Variants in SPPL3 observed in about 807,000 individuals in gnomAD.
SPPL3 encodes the protein signal peptide peptidase like 3.
Under a neutral mutation model 42.4 loss-of-function variants are expected in SPPL3, and 5 were observed. The observed-to-expected ratio is 0.12, with a 90% confidence interval of 0.06 to 0.25. The LOEUF (loss-of-function observed/expected upper bound fraction) is 0.25, where lower values mean the gene tolerates loss of function less well. Among genes scored for constraint, SPPL3 ranks in the 10% least tolerant of loss-of-function variants. The pLI is 1.00. For synonymous variants in SPPL3, 195 were observed against 181.8 expected (o/e 1.07, Z -0.58); for missense variants, 235 against 489.0 (o/e 0.48, Z 4.90).
intron 2 of SPPL3, among the ~76,000 whole-genome samples, chr12:120,799,115 G>A (rs1342316241): frequency 1.3e-5 from 2 of 152,166 alleles, no homozygotes; most frequent in African/African-American, 4.8e-5. Context: ...GCCCAGGTAA[G>A]TGGAAAAATC....
At chr12:120,826,333 A>G (rs949003520) in intron 1 of SPPL3, among the ~76,000 whole-genome samples, 1 of 150,778 alleles carries the variant, frequency 6.6e-6, no homozygotes, top group East Asian at 1.9e-4. Flanking sequence ...AAGAGTCAAA[A>G]TTTCCATGGG....
At chr12:120,823,230 C>T (rs1051967186) in intron 1 of SPPL3, among the ~76,000 whole-genome samples, 1 of 23,476 alleles carries the variant, frequency 4.3e-5, no homozygotes, top group Non-Finnish European at 9.1e-5. Context: ...GGTGGGGGGG[C>T]GGCGGCGGTG....
At chr12:120,830,856 T>C (rs1418483426) in intron 1 of SPPL3, among the ~76,000 whole-genome samples, 1 of 152,096 alleles carries the variant, frequency 6.6e-6, no homozygotes, top group Admixed American at 6.5e-5. Flanking sequence ...GATGGTTAAT[T>C]TTATGTATCA....
intron 3 of SPPL3, 125 bp downstream of exon 3, chr12:120,791,344 T>C (rs1359065565): frequency 3.3e-6 from 2 of 610,386 alleles, no homozygotes; most frequent in African/African-American, 1.9e-5. Flanking sequence ...ATTTTAAGTA[T>C]AATTCAATGT....
intron 2 of SPPL3, among the ~76,000 whole-genome samples, chr12:120,798,988 A>G (rs892062853): frequency 2.0e-5 from 3 of 152,184 alleles, no homozygotes; most frequent in Non-Finnish European, 4.4e-5. Flanking sequence ...ACTCAATTTC[A>G]ATTTGTTATT....
intron 1 of SPPL3, among the ~76,000 whole-genome samples, chr12:120,886,788 T>C (rs910606256): frequency 3.3e-5 from 5 of 152,090 alleles, no homozygotes; most frequent in Admixed American, 6.5e-5. Context: ...AGATCATACA[T>C]GTGAGCAAAA....
At chr12:120,835,166 C>T (rs1871568670) in intron 1 of SPPL3, among the ~76,000 whole-genome samples, 1 of 152,120 alleles carries the variant, frequency 6.6e-6, no homozygotes, top group Admixed American at 6.6e-5. Flanking sequence ...TAACAATATG[C>T]TCCACAGATC....
intron 1 of SPPL3, among the ~76,000 whole-genome samples, chr12:120,837,464 T>C (rs1395879341): frequency 7.2e-5 from 11 of 152,240 alleles, no homozygotes; most frequent in Non-Finnish European, 1.3e-4. Context: ...AAATACGTGA[T>C]ATTAAAATCT....
chr12:120,800,823 C>T (rs1158299590), intron 2 of SPPL3, among the ~76,000 whole-genome samples: 2 of 152,068 alleles, frequency 1.3e-5, no homozygotes, highest in Admixed American at 1.3e-4. Context: ...TGAGAACATC[C>T]AGGGGGTTAA....
At chr12:120,890,805 G>A (rs1391715800) in intron 1 of SPPL3, among the ~76,000 whole-genome samples, 3 of 152,056 alleles carry the variant, frequency 2.0e-5, no homozygotes, top group Admixed American at 2.0e-4. Context: ...ACACAAACAC[G>A]GAGCGAAAAG....
intron 1 of SPPL3, among the ~76,000 whole-genome samples, chr12:120,860,471 T>A (rs1872591276): frequency 6.6e-6 from 1 of 152,208 alleles, no homozygotes; most frequent in East Asian, 1.9e-4. Context: ...AAAGTGTGGG[T>A]TTAGCACTGG....
intron 6 of SPPL3, among the ~76,000 whole-genome samples, chr12:120,777,687 T>C (rs182973915): frequency 2.0e-5 from 3 of 152,354 alleles, no homozygotes; most frequent in Admixed American, 2.0e-4. Flanking sequence ...GTAACACAAA[T>C]CACAAGCTAC....
intron 1 of SPPL3, among the ~76,000 whole-genome samples, chr12:120,815,410 T>C (rs1324362677): frequency 1.3e-5 from 2 of 152,320 alleles, no homozygotes; most frequent in Admixed American, 1.3e-4. Context: ...TTTTTTATGA[T>C]TAAAGGTCAG....
In SPPL3 at chr12:120,765,059, C is replaced by A. The variant is rs1238269859; in HGVS notation, c.1095G>T (p.Arg365=). Residue 365 remains arginine (R), a synonymous_variant, in exon 11 of 11, where the codon CGG becomes CGT. Coordinates refer to ENST00000353487, the MANE Select transcript of SPPL3 (RefSeq NM_139015.5). ...LTMAYLKGDL[R]RMWSEPFHSK... Reference sequence around the variant, plus strand: ...AGTGGAAAGGCTCAGACCACATCCGCCGGAGGTCGCCCTGGGAAACAAGGG... The same window carrying A: ...AGTGGAAAGGCTCAGACCACATCCGACGGAGGTCGCCCTGGGAAACAAGGG... The A allele has an allele frequency of 1.9e-6, 3 of 1,613,618 alleles. No individual in the cohort carries two copies. The highest frequency in any genetic ancestry group is 2.5e-6 in the Non-Finnish European group (3 of 1,179,812).
intron 2 of SPPL3, among the ~76,000 whole-genome samples, chr12:120,808,984 T>C (rs1870591991): frequency 6.6e-6 from 1 of 152,202 alleles, no homozygotes; most frequent in Non-Finnish European, 1.5e-5. Context: ...AGGTTCTAAG[T>C]TCCTCTGGTT....
chr12:120,805,139 A>G (rs1194521257), intron 2 of SPPL3, among the ~76,000 whole-genome samples: 1 of 152,208 alleles, frequency 6.6e-6, no homozygotes, highest in Admixed American at 6.5e-5. Flanking sequence ...ATAATGTGCT[A>G]AAATTGGATT....
intron 1 of SPPL3, among the ~76,000 whole-genome samples, chr12:120,874,467 A>G (rs1160660210): frequency 6.6e-6 from 1 of 151,736 alleles, no homozygotes; most frequent in Non-Finnish European, 1.5e-5. Flanking sequence ...AAAAAAAAAA[A>G]AAAGAATAAA....
chr12:120,879,074 T>C lies in SPPL3; in HGVS notation c.23+24771A>G, dbSNP rs548577672. On this transcript the variant is annotated intron_variant, in intron 1 of 10. Transcript: ENST00000353487. Reference sequence around the variant, plus strand: ...GTTGTGGTGAGCCGAGATCGCGCCATTGCACTCCAGCCTGGGCAACAAGAG... The same window carrying C: ...GTTGTGGTGAGCCGAGATCGCGCCACTGCACTCCAGCCTGGGCAACAAGAG... Among the ~76,000 whole-genome samples, 792 of 134,384 alleles carry C rather than the reference T, an allele frequency of 5.9e-3. 7 individuals are homozygous for C. Among genetic ancestry groups the C allele is most frequent in the Non-Finnish European group, 6.8e-3 (443 of 65,260 alleles). 88.2% of individuals were successfully genotyped at this position (134,384 alleles called of 152,430 possible). A position where few individuals can be genotyped will look rare whatever the true frequency, so the allele number is the denominator to read the frequency against.
intron 1 of SPPL3, among the ~76,000 whole-genome samples, chr12:120,867,167 A>T (rs1872778410): frequency 1.3e-5 from 2 of 152,196 alleles, no homozygotes; most frequent in South Asian, 4.1e-4. Flanking sequence ...TTTGAGAAAG[A>T]TACAGAAAAT....
Sources: allele counts gnomAD v4.1 joint callset (sites outside exome capture counted in the v4.1 genomes callset), GRCh38; gene constraint gnomAD v4.1.1; transcripts MANE v1.5; gene names NCBI Gene and HGNC (gene_info 2026-07-23, HGNC 2026-07-21).